The following SLC9A9 variants were observed in gnomAD, a reference collection of about 807,000 sequenced individuals.
SLC9A9 encodes sodium/hydrogen exchanger 9.
SLC9A9 carries 62 observed loss-of-function variants against 77.8 expected under a neutral mutation model. The observed-to-expected ratio is 0.80, with a 90% CI of 0.65 to 0.98. The LOEUF is 0.98. SLC9A9 is among the 50% of genes least tolerant of loss of function. SLC9A9 has a pLI of 0.00. For synonymous variants in SLC9A9, 320 were observed against 283.5 expected, an observed-to-expected ratio of 1.13 and a Z score of -1.29; for missense variants, 775 against 774.9, an observed-to-expected ratio of 1.00 and a Z score of 0.00.
rs543424590 is a variant in SLC9A9 at position 143,837,574 on chromosome 3, C to T, written c.176-5353G>A. 7.9e-5 allele frequency among the ~76,000 whole-genome samples: 12 copies of T among 152,182 alleles called. No homozygotes were observed. In the South Asian group the frequency reaches 2.1e-3, roughly 26 times the overall value. Reference sequence around the variant, plus strand: ...TTTCAAACTGGTAAGTGTATCAGGTCCTATTGATCGCCAGCCCAATGTCTA... The same window carrying T: ...TTTCAAACTGGTAAGTGTATCAGGTTCTATTGATCGCCAGCCCAATGTCTA... On this transcript the variant is annotated intron_variant, in intron 1 of 15. Coordinates refer to ENST00000316549, the MANE Select transcript of SLC9A9 (RefSeq NM_173653.4).
At chr3:143,309,417 C>CAAAAAA (rs10569058) in intron 14 of SLC9A9, among the ~76,000 whole-genome samples, 1 of 137,304 alleles carries the variant, frequency 7.3e-6, no homozygotes, top group Non-Finnish European at 1.6e-5. Context: ...AACAGAAAAG[C>CAAAAAA]AAAAAAAAAA....
chr3:143,604,596 T>C (rs2037892613), intron 6 of SLC9A9, among the ~76,000 whole-genome samples: 1 of 152,176 alleles, frequency 6.6e-6, no homozygotes, highest in South Asian at 2.1e-4. Context: ...AAGTTTAGTA[T>C]GACTGAAGTG....
At chr3:143,842,039 GC>G (rs200908617) in intron 1 of SLC9A9, among the ~76,000 whole-genome samples, 1,739 of 152,128 alleles carry the variant, frequency 0.011, 38 homozygotes, top group African/African-American at 0.04. Context: ...ACAGGAGTGA[GC>G]CATCATGCCT....
chr3:143,561,573 T>A (rs572432336), intron 8 of SLC9A9, among the ~76,000 whole-genome samples: 2 of 152,258 alleles, frequency 1.3e-5, no homozygotes, highest in South Asian at 4.1e-4. Context: ...CCTCGATGCT[T>A]CCCAGGCTGC....
At chr3:143,735,630 A>G (rs1258399573) in intron 4 of SLC9A9, among the ~76,000 whole-genome samples, 1 of 152,236 alleles carries the variant, frequency 6.6e-6, no homozygotes, top group Non-Finnish European at 1.5e-5. Context: ...GGATTCTGTA[A>G]ACTCATTCAA....
intron 2 of SLC9A9, among the ~76,000 whole-genome samples, chr3:143,813,996 G>A (rs1168250178): frequency 6.6e-6 from 1 of 152,172 alleles, no homozygotes; most frequent in African/African-American, 2.4e-5. Context: ...AGAATGGAAA[G>A]AAAGAAACAA....
At chr3:143,794,623 G>A (rs1159264508) in intron 4 of SLC9A9, among the ~76,000 whole-genome samples, 2 of 152,112 alleles carry the variant, frequency 1.3e-5, no homozygotes, top group Non-Finnish European at 1.5e-5. Flanking sequence ...TTGGCATATA[G>A]TTACTTTTGC....
At chr3:143,736,041 C>T (rs911547116) in intron 4 of SLC9A9, among the ~76,000 whole-genome samples, 22 of 152,238 alleles carry the variant, frequency 1.4e-4, no homozygotes, top group South Asian at 8.3e-4. Context: ...TTATAGTTAA[C>T]GGAAAATGCT....
intron 2 of SLC9A9, among the ~76,000 whole-genome samples, chr3:143,821,688 T>C (rs2009169764): frequency 6.6e-6 from 1 of 152,238 alleles, no homozygotes; most frequent in Non-Finnish European, 1.5e-5. Flanking sequence ...TTGTACCTTT[T>C]GCCAATTTCT....
intron 14 of SLC9A9, among the ~76,000 whole-genome samples, chr3:143,330,088 A>T (rs2031721913): frequency 6.6e-6 from 1 of 152,142 alleles, no homozygotes; most frequent in Admixed American, 6.5e-5. Context: ...CTCCTGGTGG[A>T]GGAGACAGAT....
chr3:143,613,339 G>A (rs150620608), intron 6 of SLC9A9, among the ~76,000 whole-genome samples: 1 of 152,260 alleles, frequency 6.6e-6, no homozygotes, highest in East Asian at 1.9e-4. Context: ...TTAGCTTACT[G>A]AAAAGAAAAT....
At chr3:143,719,041 A>G (rs1418125149) in intron 4 of SLC9A9, among the ~76,000 whole-genome samples, 1 of 152,174 alleles carries the variant, frequency 6.6e-6, no homozygotes, top group Non-Finnish European at 1.5e-5. Context: ...TTAATCTTAA[A>G]CGGATAAATG....
intron 12 of SLC9A9, among the ~76,000 whole-genome samples, chr3:143,409,466 G>A (rs906013875): frequency 6.6e-6 from 1 of 152,166 alleles, no homozygotes. Flanking sequence ...CACCAGAAAA[G>A]CTTAAAATCT....
At chr3:143,454,046 CACCAGAAAACTAA>C (rs1282320232) in intron 12 of SLC9A9, among the ~76,000 whole-genome samples, 2 of 152,202 alleles carry the variant, frequency 1.3e-5, no homozygotes, top group Admixed American at 1.3e-4. Context: ...GAACCACCCT[CACCAGAAAACTAA>C]ACCTGCTGGC....
intron 4 of SLC9A9, among the ~76,000 whole-genome samples, chr3:143,694,953 A>G (rs1933586115): frequency 6.6e-6 from 1 of 152,066 alleles, no homozygotes. Flanking sequence ...TGGATTCTAG[A>G]AGGGGAGGCT....
intron 13 of SLC9A9, 123 bp downstream of exon 13, chr3:143,381,937 T>G: frequency 9.0e-7 from 1 of 1,114,104 alleles, no homozygotes; most frequent in Non-Finnish European, 1.4e-6. Context: ...CTCATTTGTT[T>G]TATCAGCAGA....
intron 14 of SLC9A9, among the ~76,000 whole-genome samples, chr3:143,352,238 G>T (rs553391709): frequency 6.6e-6 from 1 of 152,344 alleles, no homozygotes; most frequent in South Asian, 2.1e-4. Context: ...AGGGATGTGG[G>T]AAGAAGTGTT....
At chr3:143,438,412 G>A (rs2034665500) in intron 12 of SLC9A9, among the ~76,000 whole-genome samples, 2 of 151,758 alleles carry the variant, frequency 1.3e-5, no homozygotes, top group South Asian at 4.2e-4. Flanking sequence ...TTCCATCAAG[G>A]ATCTCCCTGG....
intron 1 of SLC9A9, among the ~76,000 whole-genome samples, chr3:143,836,168 T>C (rs967787953): frequency 6.6e-6 from 1 of 152,230 alleles, no homozygotes; most frequent in African/African-American, 2.4e-5. Context: ...CCTGATAAAG[T>C]CTGTGCTCAT....
Sources: gnomAD v4.1 joint callset for allele counts (sites outside exome capture counted in the v4.1 genomes callset) on GRCh38, gnomAD v4.1.1 for gene constraint, MANE v1.5 for transcripts, NCBI Gene and HGNC (gene_info 2026-07-23, HGNC 2026-07-21) for gene names.